Variants in NAALADL2 observed in about 807,000 individuals in gnomAD.
The protein encoded by NAALADL2 is N-acetylated alpha-linked acidic dipeptidase like 2, also known as inactive N-acetylated-alpha-linked acidic dipeptidase-like protein 2.
NAALADL2 carries 76 observed loss-of-function variants against 87.2 expected under a neutral mutation model. The observed-to-expected ratio is 0.87, with a 90% CI of 0.72 to 1.05. The LOEUF is 1.05. Among genes scored for constraint, NAALADL2 ranks in the 50% least tolerant of loss-of-function variants. The pLI is 0.00. For missense variants in NAALADL2, 1,089 were observed against 945.8 expected (o/e 1.15, Z -1.99); for synonymous variants, 354 against 331.0 (o/e 1.07, Z -0.75).
At chr3:174,797,305 C>CTTTTTTTTTTTTTTTTTGTTTTTTTTTT (rs1718239990) in intron 3 of NAALADL2, among the ~76,000 whole-genome samples, 1 of 72,720 alleles carries the variant, frequency 1.4e-5, no homozygotes, top group African/African-American at 7.1e-5. Flanking sequence ...TTTCTTTTTT[C>CTTTTTTTTTTTTTTTTTGTTTTTTTTTT]TTTTTTTTTT....
intron 3 of NAALADL2, among the ~76,000 whole-genome samples, chr3:175,246,743 T>C (rs2109705672): frequency 6.6e-6 from 1 of 152,320 alleles, no homozygotes; most frequent in Admixed American, 6.5e-5. Context: ...TTTCCATTCC[T>C]ATATAGATAG....
intron 3 of NAALADL2, among the ~76,000 whole-genome samples, chr3:175,240,048 T>C (rs1487826865): frequency 2.6e-5 from 4 of 152,116 alleles, no homozygotes; most frequent in Admixed American, 6.5e-5. Context: ...ATTATCTAAA[T>C]ATAATCTTTC....
At chr3:174,712,709 G>T (rs1335828899) in intron 2 of NAALADL2, among the ~76,000 whole-genome samples, 1 of 152,006 alleles carries the variant, frequency 6.6e-6, no homozygotes, top group Non-Finnish European at 1.5e-5. Flanking sequence ...TAACCCAGCA[G>T]TATTTCATGT....
chr3:175,412,930 T>TTATTATTATTATTA (rs1560510690), intron 5 of NAALADL2, among the ~76,000 whole-genome samples: 16 of 18,676 alleles, frequency 8.6e-4, no homozygotes, highest in African/African-American at 3.1e-3. Flanking sequence ...TATTATTATT[T>TTATTATTATTATTA]TTGAGACGGA....
At position 175,256,668 on chromosome 3, in the gene NAALADL2, G is replaced by A. The variant is rs1398778505; in HGVS notation, c.939+138G>A. 5 of 644,476 alleles carry A rather than the reference G, an allele frequency of 7.8e-6. No homozygotes were observed. The Admixed American group carries it at 1.7e-4, about 21-fold the overall frequency. 39.9% of individuals were successfully genotyped at this position (644,476 alleles called of 1,614,324 possible). On this transcript the variant is annotated intron_variant, in intron 4 of 13. Transcript: ENST00000454872. ...GAGAAGGGGAGAGGAAGAAAGAGAG[G>A]CAGAGAGTGTCACAGAAAGATGGCT...
chr3:175,231,638 A>G (rs904981836), intron 2 of NAALADL2, among the ~76,000 whole-genome samples: 1 of 152,116 alleles, frequency 6.6e-6, no homozygotes, highest in African/African-American at 2.4e-5. Flanking sequence ...GGAATGGCAG[A>G]TTAAACATCT....
chr3:175,135,621 T>A (rs1729005714), intron 2 of NAALADL2, among the ~76,000 whole-genome samples: 1 of 152,038 alleles, frequency 6.6e-6, no homozygotes, highest in Non-Finnish European at 1.5e-5. Context: ...TAAAGTCAAA[T>A]TGTAACAAGA....
intron 5 of NAALADL2, among the ~76,000 whole-genome samples, chr3:175,423,028 A>AAAAAAAAATATATAT (rs1438736874): frequency 1.4e-3 from 153 of 111,160 alleles, no homozygotes; most frequent in African/African-American, 1.8e-3. Context: ...GAAAAAAAAA[A>AAAAAAAAATATATAT]ATATATATAT....
intron 8 of NAALADL2, among the ~76,000 whole-genome samples, chr3:175,469,610 T>C (rs1182435641): frequency 6.6e-6 from 1 of 152,084 alleles, no homozygotes; most frequent in African/African-American, 2.4e-5. Flanking sequence ...ATAGGTTCTA[T>C]ACTTTAAAAA....
chr3:175,594,907 T>C (rs929250115), intron 10 of NAALADL2, among the ~76,000 whole-genome samples: 22 of 152,122 alleles, frequency 1.4e-4, no homozygotes, highest in African/African-American at 5.3e-4. Flanking sequence ...TAGACTTTTG[T>C]TGGATGCATA....
chr3:175,246,966 G>C (rs1748108219), intron 3 of NAALADL2, among the ~76,000 whole-genome samples: 1 of 152,142 alleles, frequency 6.6e-6, no homozygotes, highest in African/African-American at 2.4e-5. Context: ...GAGTCACAGA[G>C]GATGTGGAGT....
At chr3:175,048,352 C>G (rs1336833900) in intron 1 of NAALADL2, among the ~76,000 whole-genome samples, 1 of 152,016 alleles carries the variant, frequency 6.6e-6, no homozygotes, top group South Asian at 2.1e-4. Flanking sequence ...TTTTTTTCTA[C>G]TGCATTTTCA....
intron 2 of NAALADL2, among the ~76,000 whole-genome samples, chr3:175,217,203 G>T (rs1742685294): frequency 6.6e-6 from 1 of 152,070 alleles, no homozygotes; most frequent in African/African-American, 2.4e-5. Flanking sequence ...ACCCCAGCTA[G>T]GCACATATGG....
chr3:175,150,452 T>A (rs572722096), intron 2 of NAALADL2, among the ~76,000 whole-genome samples: 2 of 152,194 alleles, frequency 1.3e-5, no homozygotes, highest in African/African-American at 2.4e-5. Context: ...AAAAAAGATA[T>A]GACAGGTGCC....
intron 1 of NAALADL2, among the ~76,000 whole-genome samples, chr3:174,540,254 G>A (rs573856656): frequency 4.6e-5 from 7 of 152,312 alleles, no homozygotes; most frequent in Admixed American, 4.6e-4. Flanking sequence ...CTAGGCGTCA[G>A]TGAAGGGCTG....
intron 5 of NAALADL2, among the ~76,000 whole-genome samples, chr3:175,374,014 A>G (rs763039218): frequency 1.3e-5 from 2 of 152,042 alleles, no homozygotes; most frequent in Middle Eastern, 3.2e-3. Flanking sequence ...TTTTCTTACT[A>G]TTGAATTTTT....
At chr3:175,560,639 C>G (rs1716118570) in intron 9 of NAALADL2, among the ~76,000 whole-genome samples, 3 of 152,044 alleles carry the variant, frequency 2.0e-5, no homozygotes, top group Admixed American at 6.6e-5. Context: ...ACTTCTTTCA[C>G]TGTATCCCCT....
At chr3:175,239,295 G>A (rs1201138877) in intron 3 of NAALADL2, among the ~76,000 whole-genome samples, 1 of 152,118 alleles carries the variant, frequency 6.6e-6, no homozygotes, top group African/African-American at 2.4e-5. Flanking sequence ...GGAATAAACA[G>A]TGATTTGTAT....
intron 5 of NAALADL2, among the ~76,000 whole-genome samples, chr3:175,402,566 T>C (rs538710152): frequency 1.3e-5 from 2 of 152,242 alleles, no homozygotes; most frequent in East Asian, 1.9e-4. Context: ...TCTATAATTA[T>C]ATAAACAGGT....
Sources: gnomAD v4.1 joint callset for allele counts (sites outside exome capture counted in the v4.1 genomes callset) on GRCh38, gnomAD v4.1.1 for gene constraint, MANE v1.5 for transcripts, NCBI Gene and HGNC (gene_info 2026-07-23, HGNC 2026-07-21) for gene names.